NELL1: variants seen among roughly 807,000 people sequenced by gnomAD.
The protein encoded by NELL1 is neural EGFL like 1.
Under a neutral mutation model 107.4 loss-of-function variants are expected in NELL1, and 76 were observed. The ratio of observed to expected loss-of-function variants is 0.71; its 90% CI spans 0.59 to 0.86. The LOEUF (loss-of-function observed/expected upper bound fraction) is 0.86. Ranked by LOEUF, NELL1 falls within the 40% of genes least tolerant of loss-of-function variation. The pLI, the probability that NELL1 is intolerant of heterozygous loss-of-function variation, is 0.00. For missense variants in NELL1, 1,024 were observed against 1,005.5 expected (o/e 1.02, Z -0.25); for synonymous variants, 353 against 341.2 (o/e 1.03, Z -0.38).
At chr11:21,133,877 G>A (rs941153459) in intron 13 of NELL1, among the ~76,000 whole-genome samples, 1 of 152,158 alleles carries the variant, frequency 6.6e-6, no homozygotes, top group African/African-American at 2.4e-5. Context: ...GGAGGGTGGG[G>A]CTCCTACCCC....
At chr11:21,521,825 T>C (rs1369813678) in intron 15 of NELL1, among the ~76,000 whole-genome samples, 1 of 152,190 alleles carries the variant, frequency 6.6e-6, no homozygotes, top group African/African-American at 2.4e-5. Context: ...TGATATCTTG[T>C]GGTTTAATTT....
At chr11:21,199,248 G>T (rs1279724493) in intron 13 of NELL1, among the ~76,000 whole-genome samples, 1 of 152,020 alleles carries the variant, frequency 6.6e-6, no homozygotes, top group Admixed American at 6.6e-5. Flanking sequence ...AATCCATTGG[G>T]CTCCTAGCCA....
At chr11:21,469,529 G>C (rs756008988) in intron 15 of NELL1, among the ~76,000 whole-genome samples, 39 of 151,994 alleles carry the variant, frequency 2.6e-4, no homozygotes, top group Admixed American at 1.0e-3. Flanking sequence ...CTTTGCCATA[G>C]CTCTTTGCAG....
At chr11:21,373,208 A>G (rs997938585) in intron 15 of NELL1, among the ~76,000 whole-genome samples, 1 of 152,126 alleles carries the variant, frequency 6.6e-6, no homozygotes, top group African/African-American at 2.4e-5. Context: ...AATAGAGTAC[A>G]TAGTTTTCAG....
At chr11:21,335,466 A>G (rs1850369374) in intron 14 of NELL1, among the ~76,000 whole-genome samples, 1 of 152,100 alleles carries the variant, frequency 6.6e-6, no homozygotes, top group Non-Finnish European at 1.5e-5. Flanking sequence ...ATTGTCAATA[A>G]TAATCGTGTG....
In NELL1 at chr11:20,701,883, C is replaced by A. The variant is rs1017043202; in HGVS notation, c.184+23823C>A. The stretch of plus-strand genomic sequence containing the variant: ...ATTGGTCTATATCTCTGTTTTGGTA[C>A]CAGTACCATGCTGTTTTGGTTACTG... On this transcript the variant is annotated intron_variant, in intron 2 of 19. Coordinates refer to ENST00000357134, the MANE Select transcript of NELL1 (RefSeq NM_006157.5). Among the ~76,000 whole-genome samples, 4 of 152,228 alleles carry A rather than the reference C, an allele frequency of 2.6e-5. No individual in the cohort carries two copies. The East Asian group carries it at 5.8e-4, about 22-fold the overall frequency.
At chr11:21,031,064 G>C (rs1352510194) in intron 12 of NELL1, among the ~76,000 whole-genome samples, 1 of 151,878 alleles carries the variant, frequency 6.6e-6, no homozygotes, top group Admixed American at 6.6e-5. Flanking sequence ...GAATAAAAAG[G>C]GTATTATACT....
At chr11:21,468,995 T>C (rs1040297401) in intron 15 of NELL1, among the ~76,000 whole-genome samples, 24 of 152,116 alleles carry the variant, frequency 1.6e-4, no homozygotes, top group African/African-American at 5.8e-4. Context: ...TGGGTGTTTT[T>C]TTTGTTTGTT....
chr11:21,007,585 C>T (rs546581341), intron 12 of NELL1, among the ~76,000 whole-genome samples: 3 of 151,906 alleles, frequency 2.0e-5, no homozygotes, highest in Non-Finnish European at 4.4e-5. Flanking sequence ...TCTCTTCTCA[C>T]TCTAAGATTT....
chr11:21,152,581 C>G (rs1465585501), intron 13 of NELL1, among the ~76,000 whole-genome samples: 2 of 152,080 alleles, frequency 1.3e-5, no homozygotes, highest in Non-Finnish European at 2.9e-5. Context: ...CTTGATGAAT[C>G]CTGATAATAC....
intron 10 of NELL1, among the ~76,000 whole-genome samples, chr11:20,938,567 G>A (rs945075458): frequency 7.2e-5 from 11 of 152,136 alleles, no homozygotes; most frequent in African/African-American, 2.7e-4. Flanking sequence ...TCTCTGAGAT[G>A]TAATTTTGTT....
chr11:21,183,836 G>A (rs1856877910), intron 13 of NELL1, among the ~76,000 whole-genome samples: 1 of 151,788 alleles, frequency 6.6e-6, no homozygotes, highest in Non-Finnish European at 1.5e-5. Context: ...TAGAAAATGA[G>A]TCACATCTCT....
chr11:20,707,857 C>G (rs1350341494), intron 2 of NELL1, among the ~76,000 whole-genome samples: 1 of 152,190 alleles, frequency 6.6e-6, no homozygotes, highest in Non-Finnish European at 1.5e-5. Flanking sequence ...GGGAGAACAA[C>G]TACTTTCTTC....
intron 12 of NELL1, among the ~76,000 whole-genome samples, chr11:21,075,446 C>A (rs1377252131): frequency 2.0e-5 from 3 of 150,982 alleles, no homozygotes; most frequent in Non-Finnish European, 4.4e-5. Flanking sequence ...ATGAGTGGTT[C>A]ATTCTCAGAT....
At chr11:21,556,112 A>G (rs920639547) in intron 16 of NELL1, among the ~76,000 whole-genome samples, 5 of 151,934 alleles carry the variant, frequency 3.3e-5, no homozygotes, top group African/African-American at 1.2e-4. Flanking sequence ...AAAAAAAGCA[A>G]TACTGCTTTA....
intron 15 of NELL1, among the ~76,000 whole-genome samples, chr11:21,479,893 G>C (rs1854448547): frequency 1.1e-5 from 1 of 90,406 alleles, no homozygotes. Context: ...ACCATCACCA[G>C]TGTCCACAGT....
intron 15 of NELL1, among the ~76,000 whole-genome samples, chr11:21,407,193 A>T (rs1055218452): frequency 2.0e-4 from 31 of 152,186 alleles, no homozygotes; most frequent in African/African-American, 6.0e-4. Context: ...AAGTGGGCAG[A>T]TCACTTGAGC....
rs74420973 is a variant in NELL1, at chr11:21,160,023, A to G, written c.1426+46309A>G. The stretch of plus-strand genomic sequence containing the variant: ...GTTTCCCCAGGCGCCTCTTGTCCCA[A>G]TAGCTAATCTGCATGTAACTCAAAG... On this transcript the variant is annotated intron_variant, in intron 13 of 19. Transcript: ENST00000357134. Among the ~76,000 whole-genome samples the G allele has an allele frequency of 5.9e-3, 895 of 152,316 alleles. 6 individuals carry two copies. Among genetic ancestry groups the G allele is most frequent in the African/African-American group, 0.02 (844 of 41,558 alleles).
At chr11:21,312,662 A>G (rs759723998) in intron 14 of NELL1, among the ~76,000 whole-genome samples, 1 of 151,862 alleles carries the variant, frequency 6.6e-6, no homozygotes, top group Non-Finnish European at 1.5e-5. Context: ...AAGTCTGTAG[A>G]TTAAGTCTCA....
Sources: allele counts gnomAD v4.1 joint callset (sites outside exome capture counted in the v4.1 genomes callset), GRCh38; gene constraint gnomAD v4.1.1; transcripts MANE v1.5; gene names NCBI Gene and HGNC (gene_info 2026-07-23, HGNC 2026-07-21).